The following ATP13A3 variants were observed in gnomAD, a reference collection of about 807,000 sequenced individuals.
ATP13A3 encodes the protein ATPase 13A3.
A neutral mutation model predicts 158.1 loss-of-function variants in ATP13A3; 59 were observed. The observed-to-expected ratio is 0.37, with a 90% CI of 0.30 to 0.46. The LOEUF is 0.46. Ranked by LOEUF, ATP13A3 falls within the 20% of genes least tolerant of loss-of-function variation. The pLI, the probability that ATP13A3 is intolerant of heterozygous loss-of-function variation, is 1.00. For missense variants in ATP13A3, 1,166 were observed against 1,525.2 expected (o/e 0.76, Z 3.92); for synonymous variants, 491 against 504.3 (o/e 0.97, Z 0.35).
intron 11 of ATP13A3, among the ~76,000 whole-genome samples, chr3:194,449,418 G>A (rs901905579): frequency 5.9e-5 from 9 of 152,246 alleles, no homozygotes; most frequent in South Asian, 2.1e-4. Context: ...AGTGGCTCAC[G>A]CCTGTAATTC....
At chr3:194,476,642 T>G (rs146935991) in intron 2 of ATP13A3, among the ~76,000 whole-genome samples, 1 of 152,280 alleles carries the variant, frequency 6.6e-6, no homozygotes, top group Non-Finnish European at 1.5e-5. Context: ...CTCGTCTCCC[T>G]CATTCAAGTC....
upstream of ATP13A3, among the ~76,000 whole-genome samples, chr3:194,491,973 T>A (rs1428432820): frequency 6.6e-6 from 1 of 152,140 alleles, no homozygotes; most frequent in African/African-American, 2.4e-5. Context: ...TCCAGTGCAT[T>A]ATCACACAGC....
At chr3:194,464,955 A>G (rs958669967) in intron 2 of ATP13A3, among the ~76,000 whole-genome samples, 1 of 152,032 alleles carries the variant, frequency 6.6e-6, no homozygotes, top group Non-Finnish European at 1.5e-5. Flanking sequence ...TCCAGTTCCA[A>G]TCACCACCAC....
chr3:194,477,704 G>A (rs999343021), intron 2 of ATP13A3, among the ~76,000 whole-genome samples: 2 of 152,210 alleles, frequency 1.3e-5, no homozygotes, highest in African/African-American at 2.4e-5. Context: ...AGAGGATATG[G>A]GGAGTGGACA....
chr3:194,479,911 A>G (rs541351338), intron 2 of ATP13A3, among the ~76,000 whole-genome samples: 6 of 152,308 alleles, frequency 3.9e-5, no homozygotes, highest in African/African-American at 1.2e-4. Context: ...CATAAAATGT[A>G]TATCGGAGAT....
At chr3:194,415,938 C>T (rs1017213271) in intron 31 of ATP13A3, among the ~76,000 whole-genome samples, 2 of 152,038 alleles carry the variant, frequency 1.3e-5, no homozygotes, top group Non-Finnish European at 2.9e-5. Context: ...CAAACCTGTC[C>T]GTAACATACA....
rs202057558 is a variant in ATP13A3 at position 194,485,056 on chromosome 3, C to CA, written c.-47+737dup. On this transcript the variant is annotated intron_variant, in intron 2 of 33. Transcript: ENST00000645319. Reference sequence around the variant, plus strand: ...TGGGCAACAGAGCAAGATGCCATCTCAAAAAAAAAAAAAAAAATTTAAAGC... The same window carrying CA: ...TGGGCAACAGAGCAAGATGCCATCTCAAAAAAAAAAAAAAAAAATTTAAAGC... Among the ~76,000 whole-genome samples, 910 of 119,286 alleles carry CA rather than the reference C, an allele frequency of 7.6e-3. 3 individuals carry two copies. Among genetic ancestry groups the CA allele is most frequent in the African/African-American group, 0.016 (557 of 34,898 alleles). 78.3% of individuals were successfully genotyped at this position (119,286 alleles called of 152,430 possible). A position where few individuals can be genotyped will look rare whatever the true frequency, so the allele number is the denominator to read the frequency against.
At chr3:194,428,442 C>T (rs906361497) in intron 28 of ATP13A3, among the ~76,000 whole-genome samples, 4 of 151,806 alleles carry the variant, frequency 2.6e-5, no homozygotes, top group Non-Finnish European at 4.4e-5. Context: ...TAGGGGACTA[C>T]GGGAAAATAG....
Position 194,430,969 on chromosome 3 carries a change from C to A in ATP13A3, c.2598G>T (p.Gln866His). Residue 866 changes from glutamine to histidine, a missense_variant, in exon 24 of 34, where the codon CAG (glutamine) becomes CAT (histidine). By Grantham distance (24) the Gln-to-His change is conservative. Coordinates refer to ENST00000645319, the MANE Select transcript of ATP13A3 (RefSeq NM_001367549.1). ...FARMAPDQKTQLIEALQNVDY... is the reference protein window; with the variant it reads ...FARMAPDQKTHLIEALQNVDY... ...CAACATTTTGCAATGCTTCTATCAA[C>A]TGTGTCTTCTGATCAGGTGCCATAC... The A allele has an allele frequency of 6.2e-7, 1 of 1,612,890 alleles. No homozygotes were observed.
chr3:194,415,661 C>CTTTTTTTTTTGTTTTTTTTTTTTTTTTTT (rs1715784480), intron 31 of ATP13A3, among the ~76,000 whole-genome samples: 1 of 90,928 alleles, frequency 1.1e-5, no homozygotes, highest in Non-Finnish European at 2.1e-5. Context: ...ATACCACATT[C>CTTTTTTTTTTGTTTTTTTTTTTTTTTTTT]TTTTTTTTTT....
chr3:194,467,899 C>G (rs1435332327), intron 2 of ATP13A3: 1 of 152,134 alleles, frequency 6.6e-6, no homozygotes, highest in Non-Finnish European at 1.5e-5. Context: ...TATAACTTTT[C>G]TGGACTGCTG....
At chr3:194,421,111 GGTGTATATATATATATATATATATA>G (rs1716262071) in intron 30 of ATP13A3, among the ~76,000 whole-genome samples, 1 of 4,562 alleles carries the variant, frequency 2.2e-4, no homozygotes, top group African/African-American at 6.9e-4. Flanking sequence ...CAGTGTGTAG[GGTGTATATATATATATATATATATA>G]GTATATATAT....
At chr3:194,476,951 G>T (rs1005999485) in intron 2 of ATP13A3, among the ~76,000 whole-genome samples, 6 of 152,092 alleles carry the variant, frequency 3.9e-5, no homozygotes, top group Admixed American at 1.3e-4. Context: ...TGCAAGACAT[G>T]TAAGATCCTA....
chr3:194,414,268 G>A lies in ATP13A3; in HGVS notation c.3403-429C>T, dbSNP rs1218272077. ...ACTTGAGGCTAGGAGTTTGAGCCTA[G>A]CCTGGGCAACATGGCAAAATCTCGT... On this transcript the variant is annotated intron_variant, in intron 31 of 33. Coordinates refer to ENST00000645319, the MANE Select transcript of ATP13A3 (RefSeq NM_001367549.1). Among the ~76,000 whole-genome samples the A allele has an allele frequency of 2.0e-5, 3 of 152,048 alleles. No individual in the cohort carries two copies. In the East Asian group the frequency reaches 5.8e-4, roughly 29 times the overall value.
intron 3 of ATP13A3, among the ~76,000 whole-genome samples, chr3:194,461,286 T>G (rs1719642083): frequency 6.6e-6 from 1 of 152,162 alleles, no homozygotes; most frequent in Admixed American, 6.5e-5. Context: ...CTTTGTGCAG[T>G]TTCCCCTAAT....
chr3:194,435,838 C>T (rs142960158), intron 20 of ATP13A3, among the ~76,000 whole-genome samples: 5,456 of 152,054 alleles, frequency 0.036, 345 homozygotes, highest in African/African-American at 0.13. Flanking sequence ...ACCCGGGAGG[C>T]GGGGGCTATG....
chr3:194,419,852 C>T (rs1279556330), intron 31 of ATP13A3, 27 bp downstream of exon 31: 14 of 1,551,598 alleles, frequency 9.0e-6, no homozygotes, highest in Middle Eastern at 3.4e-4. Flanking sequence ...TCTTTTTCCC[C>T]AAACAAATGA....
chr3:194,429,774 C>T lies in ATP13A3; in HGVS notation c.2778G>A (p.Arg926=), dbSNP rs757135845. 1.9e-6 allele frequency: 3 copies of T among 1,612,572 alleles called. No individual in the cohort carries two copies. Among genetic ancestry groups the T allele is most frequent in the African/African-American group, 2.7e-5 (2 of 74,966 alleles). ...PSISCVPNLI[R]EGRAALITSF... is the part of the protein sequence containing the mutation. ...AAGTTATTAAAGCAGCACGGCCTTC[C>T]CTGTGAAAAGAAATCAAATGTCGGC... The change falls in exon 27 of 34, where the codon AGG becomes AGA. Residue 926 remains arginine (R), a splice_region_variant and synonymous_variant. Coordinates refer to ENST00000645319, the MANE Select transcript of ATP13A3 (RefSeq NM_001367549.1).
chr3:194,421,147 A>AGTG (rs375353652), intron 30 of ATP13A3, among the ~76,000 whole-genome samples: 1 of 49,800 alleles, frequency 2.0e-5, no homozygotes, highest in African/African-American at 1.8e-4. Context: ...GTATATATAT[A>AGTG]TATATATATA....
Sources: gnomAD v4.1 joint callset for allele counts (sites outside exome capture counted in the v4.1 genomes callset) on GRCh38, gnomAD v4.1.1 for gene constraint, MANE v1.5 for transcripts, NCBI Gene and HGNC (gene_info 2026-07-23, HGNC 2026-07-21) for gene names.